The following MYLK variants were observed in gnomAD, a reference collection of about 807,000 sequenced individuals.
MYLK encodes myosin light chain kinase, smooth muscle.
MYLK carries 106 observed loss-of-function variants against 203.4 expected under a neutral mutation model. The observed-to-expected ratio is 0.52, with a 90% confidence interval of 0.45 to 0.61. The LOEUF (loss-of-function observed/expected upper bound fraction) is 0.61, where lower values mean the gene tolerates loss of function less well. MYLK is among the 20% of genes least tolerant of loss of function. MYLK has a pLI of 0.00. For synonymous variants in MYLK, 867 were observed against 959.5 expected, an observed-to-expected ratio of 0.90 and a Z score of 1.78; for missense variants, 2,072 against 2,442.3, an observed-to-expected ratio of 0.85 and a Z score of 3.20.
In MYLK at chr3:123,752,372, C is replaced by T; in HGVS notation, c.332G>A (p.Gly111Asp). The T allele has an allele frequency of 6.2e-7, 1 of 1,614,148 alleles. No homozygotes were observed. The highest frequency in any genetic ancestry group is 8.5e-7 in the Non-Finnish European group (1 of 1,180,016). Residue 111 changes from glycine to aspartate, a missense_variant, in exon 5 of 34, where the codon GGC becomes GAC. Gly to Asp is a moderately conservative substitution (Grantham distance 94). This residue lies in a region of MYLK where 683 missense variants were observed against 643.8 expected (regional missense o/e 1.06). Transcript: ENST00000360304. Reference sequence around the variant, plus strand: ...CACTGTCACCTGGCGAGCACCACTGCCATTGGTGGCTTCACAGGTATACTT... The same window carrying T: ...CACTGTCACCTGGCGAGCACCACTGTCATTGGTGGCTTCACAGGTATACTT... ...RGKYTCEATN[G>D]SGARQVTVEL...
At position 123,664,139 on chromosome 3, in the gene MYLK, G is replaced by T; in HGVS notation, c.3951C>A (p.Gly1317=). 6.2e-7 allele frequency: 1 copy of T among 1,614,108 alleles called. No homozygotes were observed. Among genetic ancestry groups the T allele is most frequent in the South Asian group, 1.1e-5 (1 of 91,084 alleles). ...CYTLLVENKL[G]SRQAQVNLTV... The stretch of plus-strand genomic sequence containing the variant: ...TGAGGTTGACCTGGGCCTGCCTGCT[G>T]CCCAGCTTGTTCTCCACCAGCAGTG... Residue 1317 remains glycine (G), a synonymous_variant, in exon 23 of 34, where the codon GGC becomes GGA. Coordinates refer to ENST00000360304, the MANE Select transcript of MYLK (RefSeq NM_053025.4).
intron 2 of MYLK, among the ~76,000 whole-genome samples, chr3:123,849,256 G>A (rs555505847): frequency 6.6e-6 from 1 of 152,102 alleles, no homozygotes; most frequent in Non-Finnish European, 1.5e-5. Flanking sequence ...TTATAGCTAT[G>A]ATCCACCATG....
In MYLK at chr3:123,687,817, A is replaced by G. The variant is rs1010291864; in HGVS notation, c.3565+4918T>C. Among the ~76,000 whole-genome samples the G allele has an allele frequency of 2.0e-5, 3 of 152,028 alleles. No individual in the cohort carries two copies. The East Asian group carries it at 5.8e-4, about 29-fold the overall frequency. ...CTCCTGAGTAGCTGGGACTACAGGC[A>G]TGCCCCACAGCATCCAGGCAACTTT... On this transcript the variant is annotated intron_variant, in intron 19 of 33. Coordinates refer to ENST00000360304, the MANE Select transcript of MYLK (RefSeq NM_053025.4).
At chr3:123,865,025 C>T (rs2032232341) in intron 2 of MYLK, among the ~76,000 whole-genome samples, 1 of 152,086 alleles carries the variant, frequency 6.6e-6, no homozygotes, top group African/African-American at 2.4e-5. Flanking sequence ...TGGTTCAGGC[C>T]CTGGTTACAT....
chr3:123,692,824 T>C lies in MYLK; in HGVS notation c.3476A>G (p.Lys1159Arg). 3 of 1,614,000 alleles carry C rather than the reference T, an allele frequency of 1.9e-6. No individual in the cohort carries two copies. The highest frequency in any genetic ancestry group is 1.7e-6 in the Non-Finnish European group (2 of 1,179,984). The change falls in exon 19 of 34, where the codon AAG becomes AGG. Residue 1159 changes from lysine to arginine, a missense_variant. Around this residue, in one of 3 missense-constraint regions of MYLK, gnomAD observed 865 missense variants for 1,016.0 expected, o/e 0.85. Coordinates refer to ENST00000360304, the MANE Select transcript of MYLK (RefSeq NM_053025.4). ...TAAGCCTCTGTCCTCAGGCAGTGCC[T>C]TCTCGATGGAGACGGAGCAGAGTGA... ...EGSLCSVSIE[K>R]ALPEDRGLYK...
chr3:123,701,765 G>A (rs2108593751), intron 16 of MYLK, among the ~76,000 whole-genome samples: 1 of 152,366 alleles, frequency 6.6e-6, no homozygotes, highest in East Asian at 1.9e-4. Flanking sequence ...TCCAGAAATA[G>A]GAACACTTTT....
chr3:123,793,580 T>A lies in MYLK; in HGVS notation c.165+97A>T. 2.1e-6 allele frequency: 3 copies of A among 1,395,590 alleles called. No homozygotes were observed. The Admixed American group carries it at 6.4e-5, about 30-fold the overall frequency. 86.5% of individuals were successfully genotyped at this position (1,395,590 alleles called of 1,614,324 possible). ...GAAGGTCCAAAAGAAAATTGAGCCT[T>A]CTATTAGATCCAGCCGGCCCAGGAA... is the stretch of plus-strand genomic sequence containing the variant. On this transcript the variant is annotated intron_variant, in intron 4 of 33. Coordinates refer to ENST00000360304, the MANE Select transcript of MYLK (RefSeq NM_053025.4).
chr3:123,780,462 T>C (rs1345717763), intron 4 of MYLK, among the ~76,000 whole-genome samples: 1 of 152,112 alleles, frequency 6.6e-6, no homozygotes, highest in Non-Finnish European at 1.5e-5. Context: ...GAAATAAATG[T>C]ATTTTTATGA....
chr3:123,644,906 G>A (rs1032539896), intron 27 of MYLK, among the ~76,000 whole-genome samples: 3 of 152,222 alleles, frequency 2.0e-5, no homozygotes, highest in Admixed American at 2.0e-4. Context: ...GGCATCTTGA[G>A]ATTGACTGTT....
chr3:123,659,281 C>T (rs1015675367), intron 23 of MYLK, among the ~76,000 whole-genome samples: 9 of 152,126 alleles, frequency 5.9e-5, no homozygotes, highest in Non-Finnish European at 7.3e-5. Context: ...GGCTTATAAA[C>T]GAATGCACTC....
chr3:123,827,418 G>T (rs1286101381), intron 3 of MYLK, among the ~76,000 whole-genome samples: 1 of 151,614 alleles, frequency 6.6e-6, no homozygotes, highest in African/African-American at 2.4e-5. Context: ...AAAGCACCAA[G>T]TTACATATAA....
chr3:123,700,651 A>G lies in MYLK; in HGVS notation c.2817T>C (p.Ser939=). 1 of 1,614,040 alleles carries G rather than the reference A, an allele frequency of 6.2e-7. No homozygotes were observed. The highest frequency in any genetic ancestry group is 8.5e-7 in the Non-Finnish European group (1 of 1,180,010). Reference sequence around the variant, plus strand: ...GGCTGTGCACCTTCCTCTCTTCCTCAGACACAGTCTTTGGCTTCACTTGCC... The same window carrying G: ...GGCTGTGCACCTTCCTCTCTTCCTCGGACACAGTCTTTGGCTTCACTTGCC... ...LQRQVKPKTV[S]EEERKVHSPQ... Residue 939 remains serine, a synonymous_variant, in exon 18 of 34, where the codon TCT becomes TCC. Transcript: ENST00000360304.
chr3:123,835,815 T>TC (rs1384955113), intron 2 of MYLK: 1 of 152,046 alleles, frequency 6.6e-6, no homozygotes, highest in East Asian at 1.9e-4. Flanking sequence ...TTCTAACTTC[T>TC]CCCCCTGGCC....
intron 19 of MYLK, among the ~76,000 whole-genome samples, chr3:123,687,610 A>T (rs797016664): frequency 8.8e-5 from 12 of 136,042 alleles, no homozygotes; most frequent in East Asian, 4.6e-4. Flanking sequence ...CTTCCTTCCT[A>T]CCTTCATTCC....
chr3:123,815,545 T>G (rs2065719964), intron 3 of MYLK, among the ~76,000 whole-genome samples: 1 of 152,174 alleles, frequency 6.6e-6, no homozygotes. Context: ...TCCCATGGTC[T>G]TTTCCACCCA....
At chr3:123,733,587 G>A in intron 10 of MYLK, 100 bp downstream of exon 10, 3 of 1,430,202 alleles carry the variant, frequency 2.1e-6, no homozygotes, top group Non-Finnish European at 2.9e-6. Flanking sequence ...AAGAAGATGA[G>A]TGGATATAGG....
rs13094270 is a variant in MYLK, at chr3:123,721,692, G to A, written c.1804+436C>T. Among the ~76,000 whole-genome samples the A allele has an allele frequency of 4.5e-3, 690 of 151,904 alleles. 2 individuals are homozygous for A. The highest frequency in any genetic ancestry group is 6.7e-3 in the Non-Finnish European group (452 of 67,964). The stretch of plus-strand genomic sequence containing the variant: ...TCACTGGGAGGCCACTGACTGTTCA[G>A]GGAATACGTGAGTGCTCTCCCAAGT... On this transcript the variant is annotated intron_variant, in intron 13 of 33. Coordinates refer to ENST00000360304, the MANE Select transcript of MYLK (RefSeq NM_053025.4).
At chr3:123,664,341 T>C in intron 22 of MYLK, 83 bp from the exon 23 acceptor site, 1 of 1,584,796 alleles carries the variant, frequency 6.3e-7, no homozygotes, top group Non-Finnish European at 8.7e-7. Context: ...ATTCCCTACT[T>C]CCTGAAGGAT....
At chr3:123,627,016 A>G (rs988084609) in intron 30 of MYLK, 75 bp from the exon 31 acceptor site, 4 of 1,569,984 alleles carry the variant, frequency 2.5e-6, no homozygotes, top group Non-Finnish European at 3.5e-6. Flanking sequence ...CAGAAATGGG[A>G]GGCCACCTGT....
Sources: allele counts gnomAD v4.1 joint callset (sites outside exome capture counted in the v4.1 genomes callset), GRCh38; gene constraint gnomAD v4.1.1; regional missense constraint gnomAD v4.1.1; transcripts MANE v1.5; gene names NCBI Gene and HGNC (gene_info 2026-07-23, HGNC 2026-07-21).